Variants in DEPDC4 observed in about 807,000 individuals in gnomAD.
DEPDC4 encodes the protein DEP domain-containing protein 4.
In DEPDC4, 52 loss-of-function variants were observed where a neutral mutation model predicts 52.0. That is an observed-to-expected ratio of 1.00 (90% CI 0.80 to 1.26). DEPDC4 has a LOEUF of 1.26. Ranked by LOEUF, DEPDC4 falls within the 50% of genes most tolerant of loss-of-function variation. The pLI is 0.00. For synonymous variants in DEPDC4, 201 were observed against 196.8 expected, an observed-to-expected ratio of 1.02 and a Z score of -0.18; for missense variants, 530 against 546.9, an observed-to-expected ratio of 0.97 and a Z score of 0.31.
intron 7 of DEPDC4, among the ~76,000 whole-genome samples, chr12:100,251,259 A>G (rs1001372322): frequency 6.6e-6 from 1 of 152,116 alleles, no homozygotes; most frequent in African/African-American, 2.4e-5. Context: ...GCCAGAAAAC[A>G]GAAGAAAGGG....
chr12:100,249,676 C>T lies in DEPDC4; in HGVS notation c.1375-698G>A, dbSNP rs75899465. ...TCTAGATAGCTCCTTCATCCTGGCT[C>T]GCAGGCTACCTTTTCATTAGCTTCC... On this transcript the variant is annotated intron_variant, in intron 7 of 9. Transcript: ENST00000550587. Among the ~76,000 whole-genome samples the T allele has an allele frequency of 2.3e-3, 348 of 152,312 alleles. 6 individuals carry two copies. In the East Asian group the frequency reaches 0.039, roughly 17 times the overall value.
intron 8 of DEPDC4, 35 bp from the exon 9 acceptor site, chr12:100,242,604 C>G (rs974717221): frequency 6.5e-6 from 1 of 154,796 alleles, no homozygotes. Context: ...GACCACATGG[C>G]TAGAAAGTAG....
intron 9 of DEPDC4, among the ~76,000 whole-genome samples, chr12:100,232,584 T>G (rs1293511605): frequency 6.6e-6 from 1 of 151,808 alleles, no homozygotes; most frequent in Non-Finnish European, 1.5e-5. Flanking sequence ...TGGGCCACTT[T>G]GAGAAACACT....
Position 100,262,634 on chromosome 12 carries a change from G to T in DEPDC4, c.555-225C>A, listed in dbSNP as rs140334838. Reference sequence around the variant, plus strand: ...AGAAAAGCATATATGCTAATTCTAAGGTTAACATAGTTGTTATGATGGAAT... The same window carrying T: ...AGAAAAGCATATATGCTAATTCTAATGTTAACATAGTTGTTATGATGGAAT... On this transcript the variant is annotated intron_variant, in intron 2 of 9. Transcript: ENST00000550587. Among the ~76,000 whole-genome samples the T allele has an allele frequency of 2.0e-3, 311 of 152,260 alleles. 2 individuals carry two copies. The highest frequency in any genetic ancestry group is 7.3e-3 in the African/African-American group (303 of 41,560).
At position 100,240,079 on chromosome 12, in the gene DEPDC4, A is replaced by C. The variant is rs60300139; in HGVS notation, c.*1813T>G. Among the ~76,000 whole-genome samples, 9,655 of 152,236 alleles carry C rather than the reference A, an allele frequency of 0.063. 338 individuals carry two copies. Among genetic ancestry groups the C allele is most frequent in the Middle Eastern group, 0.14 (42 of 294 alleles). On this transcript the variant is annotated 3_prime_UTR_variant, in exon 10 of 10. Transcript: ENST00000550587. ...TGATGACATCTGTCTAATATAGTTT[A>C]TTTTTTCAAGAATTTAATTAATTAT... is the stretch of plus-strand genomic sequence containing the variant.
chr12:100,272,585 C>A, the DEPDC4 span, among the ~76,000 whole-genome samples: 2 of 152,170 alleles, frequency 1.3e-5, no homozygotes, highest in African/African-American at 4.8e-5. Flanking sequence ...ATATCTCCAT[C>A]TGAGTGTCAT....
the DEPDC4 span, among the ~76,000 whole-genome samples, chr12:100,278,788 C>G: frequency 6.6e-6 from 1 of 151,914 alleles, no homozygotes; most frequent in Non-Finnish European, 1.5e-5. Flanking sequence ...TACCACCATG[C>G]CCAGTTAATT....
chr12:100,252,315 G>A lies in DEPDC4; in HGVS notation c.1249-14C>T. The A allele has an allele frequency of 6.7e-7, 1 of 1,491,660 alleles. No homozygotes were observed. The highest frequency in any genetic ancestry group is 8.9e-7 in the Non-Finnish European group (1 of 1,126,736). 92.4% of individuals were successfully genotyped at this position (1,491,660 alleles called of 1,614,324 possible). On this transcript the variant is annotated splice_polypyrimidine_tract_variant and intron_variant, in intron 6 of 9. Transcript: ENST00000550587. ...TTTATTATCATACTGTAAACAGAAA[G>A]ATTAACATTAGCATAAATGGTTTTT...
chr12:100,279,684 A>G, the DEPDC4 span, among the ~76,000 whole-genome samples: 6 of 152,212 alleles, frequency 3.9e-5, no homozygotes, highest in African/African-American at 1.4e-4. Flanking sequence ...TTACCCCACT[A>G]TTAAGGCATG....
downstream of DEPDC4, chr12:100,238,132 A>T (rs78366347): frequency 2.4e-6 from 2 of 824,044 alleles, no homozygotes; most frequent in Non-Finnish European, 2.9e-6. Flanking sequence ...AAAAAAAAAA[A>T]TATGCAGATT....
chr12:100,278,558 T>G, the DEPDC4 span, among the ~76,000 whole-genome samples: 1 of 152,126 alleles, frequency 6.6e-6, no homozygotes, highest in Non-Finnish European at 1.5e-5. Flanking sequence ...GCTGACAGTT[T>G]CGTTTAGCAG....
At chr12:100,271,462 A>ATAAC (rs2096287641), upstream of DEPDC4, among the ~76,000 whole-genome samples, 1 of 152,214 alleles carries the variant, frequency 6.6e-6, no homozygotes, top group South Asian at 2.1e-4. Flanking sequence ...AATTCATTGA[A>ATAAC]TAACTATAAA....
At position 100,248,908 on chromosome 12, in the gene DEPDC4, G is replaced by A; in HGVS notation, c.1445C>T (p.Ala482Val). ...KKLLHGEDAD[A>V]ISGMAENNSY... ...CAAGCTGGAATCCATACCTGATATG[G>A]CATCTGCATCTTCTCCATGTAGAAG... The change falls in exon 8 of 10, where the codon GCC becomes GTC. Residue 482 changes from alanine (A) to valine (V), a missense_variant. By Grantham distance (64) the Ala-to-Val change is moderately conservative. Coordinates refer to ENST00000550587, the MANE Select transcript of DEPDC4 (RefSeq NM_001364818.2). 1.0e-6 allele frequency: 1 copy of A among 985,048 alleles called. No homozygotes were observed. The allele number at this position is 985,048 out of a possible 1,614,324, so 61.0% of individuals were successfully genotyped here. A position where few individuals can be genotyped will look rare whatever the true frequency, so the allele number is the denominator to read the frequency against.
At chr12:100,264,533 G>A (rs927376552) in intron 1 of DEPDC4, among the ~76,000 whole-genome samples, 1 of 152,070 alleles carries the variant, frequency 6.6e-6, no homozygotes, top group Non-Finnish European at 1.5e-5. Context: ...ACAAAAATTA[G>A]CCGAGCGTGG....
the DEPDC4 span, among the ~76,000 whole-genome samples, chr12:100,272,477 C>T: frequency 1.3e-5 from 2 of 152,074 alleles, no homozygotes; most frequent in Non-Finnish European, 2.9e-5. Flanking sequence ...TTTTTCAAGG[C>T]CATAGTCTAC....
At chr12:100,234,289 C>G (rs2096138283) in intron 9 of DEPDC4, among the ~76,000 whole-genome samples, 1 of 152,136 alleles carries the variant, frequency 6.6e-6, no homozygotes, top group Non-Finnish European at 1.5e-5. Context: ...CTGGGTACGG[C>G]ATGGCCAAGT....
At chr12:100,248,653 G>T (rs535262185) in intron 8 of DEPDC4, among the ~76,000 whole-genome samples, 1 of 152,116 alleles carries the variant, frequency 6.6e-6, no homozygotes, top group African/African-American at 2.4e-5. Flanking sequence ...TTGAAGGGGA[G>T]GTGAGAATTG....
intron 7 of DEPDC4, among the ~76,000 whole-genome samples, chr12:100,250,229 T>G (rs1266811388): frequency 6.6e-6 from 1 of 152,164 alleles, no homozygotes; most frequent in African/African-American, 2.4e-5. Context: ...ATGTTTCTGT[T>G]TTTTTAGATG....
intron 3 of DEPDC4, among the ~76,000 whole-genome samples, chr12:100,261,938 TATG>T (rs1444161327): frequency 6.6e-6 from 1 of 152,244 alleles, no homozygotes; most frequent in Non-Finnish European, 1.5e-5. Context: ...AACTATTCTG[TATG>T]ATACTATAAT....
Sources: gnomAD v4.1 joint callset for allele counts (sites outside exome capture counted in the v4.1 genomes callset) on GRCh38, gnomAD v4.1.1 for gene constraint, MANE v1.5 for transcripts, NCBI Gene and HGNC (gene_info 2026-07-23, HGNC 2026-07-21) for gene names.